Variants in PLEKHA6 observed in about 807,000 individuals in gnomAD.
PLEKHA6 encodes pleckstrin homology domain-containing family A member 6.
Under a neutral mutation model 116.7 loss-of-function variants are expected in PLEKHA6, and 60 were observed. The ratio of observed to expected loss-of-function variants is 0.51; its 90% CI spans 0.42 to 0.64. The LOEUF (loss-of-function observed/expected upper bound fraction) is 0.64. Among genes scored for constraint, PLEKHA6 ranks in the 30% least tolerant of loss-of-function variants. PLEKHA6 has a pLI of 0.00. For missense variants in PLEKHA6, 1,338 were observed against 1,422.7 expected (o/e 0.94, Z 0.96); for synonymous variants, 489 against 556.1 (o/e 0.88, Z 1.70).
At chr1:204,361,112 T>C (rs1673548923), upstream of PLEKHA6, among the ~76,000 whole-genome samples, 1 of 152,168 alleles carries the variant, frequency 6.6e-6, no homozygotes. Context: ...GATGAGCTTC[T>C]GGAGTCACTT....
intron 10 of PLEKHA6, 114 bp downstream of exon 10, chr1:204,250,432 A>G (rs1391516406): frequency 1.3e-6 from 1 of 747,932 alleles, no homozygotes. Flanking sequence ...GGAGAGAGAT[A>G]GATGGAGAGA....
intron 10 of PLEKHA6, 124 bp downstream of exon 10, chr1:204,250,422 G>GGA (rs1314808584): frequency 4.2e-6 from 3 of 712,788 alleles, no homozygotes; most frequent in Admixed American, 2.1e-5. Flanking sequence ...GCCACCAGAA[G>GGA]GAGAGAGATA....
chr1:204,367,901 C>T (rs1282749495), intron 2 of PLEKHA6: 3 of 152,258 alleles, frequency 2.0e-5, no homozygotes. Flanking sequence ...CTGGGATCAA[C>T]CTCTCTTCCT....
At position 204,229,084 on chromosome 1, in the gene PLEKHA6, G is replaced by A. The variant is rs1660796010; in HGVS notation, c.2604C>T (p.Ile868=). Residue 868 remains isoleucine (I), a synonymous_variant, in exon 19 of 23, where the codon ATC becomes ATT. Transcript: ENST00000272203. ...CCAGGTTGGAGATGTCTACCTCATGGATGCTGCGGTGGCGGCGCACCTAGG... is the reference window on the plus strand; with the variant it reads ...CCAGGTTGGAGATGTCTACCTCATGAATGCTGCGGTGGCGGCGCACCTAGG... ...AYKVVRRHRS[I]HEVDISNLEA... is the part of the protein sequence containing the mutation. 1 of 1,613,486 alleles carries A rather than the reference G, an allele frequency of 6.2e-7. No homozygotes were observed. The highest frequency in any genetic ancestry group is 1.1e-5 in the South Asian group (1 of 91,072).
At chr1:204,283,991 C>T (rs1255815932) in intron 1 of PLEKHA6, among the ~76,000 whole-genome samples, 1 of 152,170 alleles carries the variant, frequency 6.6e-6, no homozygotes, top group Non-Finnish European at 1.5e-5. Context: ...CTCACCACTG[C>T]CTGGAGGAGG....
In PLEKHA6 at chr1:204,259,205, C is replaced by T. The variant is rs1322476470; in HGVS notation, c.1007+53G>A. On this transcript the variant is annotated intron_variant, in intron 8 of 22. Transcript: ENST00000272203. The surrounding 1 kb of genome is among the most constrained non-coding windows in gnomAD (Gnocchi z 4.6). ...CTCGTGGGCTATGACCCCACTCGCA[C>T]GCTCTAGCCATAATACCATATCAGC... The T allele has an allele frequency of 7.6e-5, 120 of 1,571,116 alleles. No homozygotes were observed. The highest frequency in any genetic ancestry group is 1.0e-4 in the Non-Finnish European group (117 of 1,158,734).
At chr1:204,284,513 C>T (rs2102987559) in intron 1 of PLEKHA6, among the ~76,000 whole-genome samples, 1 of 152,180 alleles carries the variant, frequency 6.6e-6, no homozygotes, top group African/African-American at 2.4e-5. Flanking sequence ...TGCACTGCTG[C>T]CTGCTGGTGG....
chr1:204,286,064 C>T (rs1669142536), intron 1 of PLEKHA6, among the ~76,000 whole-genome samples: 1 of 151,912 alleles, frequency 6.6e-6, no homozygotes, highest in African/African-American at 2.4e-5. Context: ...TGCACCTCCC[C>T]TTCCCCACCC....
rs1665443057 is a variant in PLEKHA6 at position 204,257,315 on chromosome 1, T to C, written c.1524+38A>G. 1.3e-6 allele frequency: 2 copies of C among 1,545,958 alleles called. No individual in the cohort carries two copies. The highest frequency in any genetic ancestry group is 3.9e-5 in the Admixed American group (2 of 51,242). On this transcript the variant is annotated intron_variant, in intron 9 of 22. Coordinates refer to ENST00000272203, the MANE Select transcript of PLEKHA6 (RefSeq NM_014935.5). The surrounding 1 kb of genome is among the most constrained non-coding windows in gnomAD (Gnocchi z 6.5). ...AGATGGTCTTAGGCTTCTGGGGACC[T>C]CAGGGGATGAGGAAGGAAGGGCAGG...
intron 1 of PLEKHA6, chr1:204,299,623 T>G: frequency 1.0e-6 from 1 of 985,000 alleles, no homozygotes. Context: ...GCATTCTTTC[T>G]CCTGCACTTT....
At chr1:204,240,756 A>G (rs906227988) in intron 17 of PLEKHA6, among the ~76,000 whole-genome samples, 1 of 152,184 alleles carries the variant, frequency 6.6e-6, no homozygotes, top group Non-Finnish European at 1.5e-5. Flanking sequence ...GATGATTAAT[A>G]TTGAGTGTCA....
At chr1:204,262,062 C>G (rs1019787836) in intron 6 of PLEKHA6, 1 of 153,432 alleles carries the variant, frequency 6.5e-6, no homozygotes, top group Admixed American at 6.5e-5. Flanking sequence ...AAGCAGAGAA[C>G]AGGTCAACCA....
chr1:204,279,752 A>G (rs1251921638), intron 1 of PLEKHA6, among the ~76,000 whole-genome samples: 1 of 152,188 alleles, frequency 6.6e-6, no homozygotes, highest in Non-Finnish European at 1.5e-5. Context: ...AGGACCAAAC[A>G]TTCAGTCCAA....
chr1:204,357,182 G>A (rs1435820346), intron 1 of PLEKHA6, among the ~76,000 whole-genome samples: 2 of 152,222 alleles, frequency 1.3e-5, no homozygotes, highest in Non-Finnish European at 2.9e-5. Context: ...ATTCAACATA[G>A]AAGAATGTTC....
intron 1 of PLEKHA6, among the ~76,000 whole-genome samples, chr1:204,339,359 A>G (rs1342291823): frequency 6.6e-6 from 1 of 152,200 alleles, no homozygotes; most frequent in Admixed American, 6.5e-5. Context: ...CTCAGCCACT[A>G]CATTTTGGGT....
At chr1:204,310,098 C>CA (rs1671603394) in intron 1 of PLEKHA6, among the ~76,000 whole-genome samples, 1 of 151,944 alleles carries the variant, frequency 6.6e-6, no homozygotes, top group African/African-American at 2.4e-5. Flanking sequence ...AGGTAGTGGG[C>CA]TGGATGTGGC....
intron 17 of PLEKHA6, among the ~76,000 whole-genome samples, chr1:204,233,351 T>C (rs1466876683): frequency 6.7e-6 from 1 of 150,166 alleles, no homozygotes; most frequent in Non-Finnish European, 1.5e-5. Flanking sequence ...AATTTTTTTT[T>C]TTTTTTTGAG....
At chr1:204,278,813 G>T (rs1276028615) in intron 1 of PLEKHA6, among the ~76,000 whole-genome samples, 1 of 152,052 alleles carries the variant, frequency 6.6e-6, no homozygotes, top group Admixed American at 6.6e-5. Flanking sequence ...CCGGCTTGAG[G>T]TTCCTGCCCA....
At chr1:204,301,330 C>A (rs1403799545) in intron 1 of PLEKHA6, 15 of 961,268 alleles carry the variant, frequency 1.6e-5, no homozygotes, top group Non-Finnish European at 1.9e-5. Context: ...CTGGAGCTGG[C>A]TCCTGGGAAT....
Sources: allele counts gnomAD v4.1 joint callset (sites outside exome capture counted in the v4.1 genomes callset), GRCh38; gene constraint gnomAD v4.1.1; non-coding constraint Gnocchi (gnomAD v3.1); transcripts MANE v1.5; gene names NCBI Gene and HGNC (gene_info 2026-07-23, HGNC 2026-07-21).